Variants in DUS2 observed in about 807,000 individuals in gnomAD.
DUS2 encodes the protein tRNA-dihydrouridine(20) synthase [NAD(P)+]-like.
A neutral mutation model predicts 71.3 loss-of-function variants in DUS2; 52 were observed. That is an observed-to-expected ratio of 0.73 (90% CI 0.58 to 0.92). The LOEUF (loss-of-function observed/expected upper bound fraction) is 0.92, where lower values mean the gene tolerates loss of function less well. Ranked by LOEUF, DUS2 falls within the 40% of genes least tolerant of loss-of-function variation. The pLI is 0.00. For synonymous variants in DUS2, 204 were observed against 227.8 expected, an observed-to-expected ratio of 0.90 and a Z score of 0.94; for missense variants, 558 against 622.6, an observed-to-expected ratio of 0.90 and a Z score of 1.10.
At chr16:68,030,284 C>T (rs560182287) in intron 2 of DUS2, among the ~76,000 whole-genome samples, 3 of 151,802 alleles carry the variant, frequency 2.0e-5, no homozygotes, top group Non-Finnish European at 4.4e-5. Flanking sequence ...AGAACTGTTT[C>T]CAAGGATTTT....
chr16:68,061,002 A>T, intron 7 of DUS2, 64 bp from the exon 8 acceptor site: 3 of 1,537,070 alleles, frequency 2.0e-6, no homozygotes, highest in Non-Finnish European at 2.7e-6. Flanking sequence ...GCCAGACCCC[A>T]TCCCATGGAG....
At chr16:68,032,457 G>A (rs2033453870) in intron 2 of DUS2, among the ~76,000 whole-genome samples, 1 of 152,206 alleles carries the variant, frequency 6.6e-6, no homozygotes, top group Non-Finnish European at 1.5e-5. Context: ...GACACATGGA[G>A]TGTAACTGAG....
chr16:68,059,039 G>A (rs1184145899), intron 7 of DUS2, among the ~76,000 whole-genome samples: 2 of 152,112 alleles, frequency 1.3e-5, no homozygotes, highest in East Asian at 1.9e-4. Flanking sequence ...GAATGAAACC[G>A]CATGTCTACC....
At chr16:68,062,327 T>G (rs1466485785) in intron 8 of DUS2, among the ~76,000 whole-genome samples, 1 of 152,018 alleles carries the variant, frequency 6.6e-6, no homozygotes, top group Non-Finnish European at 1.5e-5. Context: ...TGCCTTTCAT[T>G]TGATCCTGAA....
At chr16:68,069,052 T>C (rs995629498) in intron 10 of DUS2, among the ~76,000 whole-genome samples, 2 of 151,796 alleles carry the variant, frequency 1.3e-5, no homozygotes, top group African/African-American at 2.4e-5. Context: ...GAGACAGAGG[T>C]AGAGGCTAGG....
intron 7 of DUS2, among the ~76,000 whole-genome samples, chr16:68,056,827 TATA>T (rs554229381): frequency 1.5e-4 from 22 of 145,950 alleles, no homozygotes; most frequent in Non-Finnish European, 2.2e-4. Context: ...ATATATTATA[TATA>T]ATGTTATATA....
At chr16:68,052,798 A>G (rs1178365624) in intron 4 of DUS2, among the ~76,000 whole-genome samples, 1 of 151,276 alleles carries the variant, frequency 6.6e-6, no homozygotes, top group Non-Finnish European at 1.5e-5. Context: ...ACCCTCCACC[A>G]CGCCCAGCTA....
At chr16:68,068,724 G>A (rs1314653557) in intron 10 of DUS2, among the ~76,000 whole-genome samples, 1 of 148,220 alleles carries the variant, frequency 6.7e-6, no homozygotes, top group Non-Finnish European at 1.5e-5. Context: ...GAGTAGCTGG[G>A]ATTACAGGTG....
intron 4 of DUS2, among the ~76,000 whole-genome samples, chr16:68,053,212 C>T (rs931410956): frequency 1.1e-4 from 17 of 152,228 alleles, no homozygotes; most frequent in African/African-American, 3.9e-4. Context: ...CCGCCCGCCT[C>T]GGCCTCCCAA....
chr16:68,073,800 G>T (rs1051523526), intron 12 of DUS2, among the ~76,000 whole-genome samples: 4 of 151,948 alleles, frequency 2.6e-5, no homozygotes, highest in Non-Finnish European at 5.9e-5. Context: ...CGTTGCCCAG[G>T]CTGCTCTTGA....
chr16:68,060,071 A>G (rs760189093), intron 7 of DUS2, among the ~76,000 whole-genome samples: 3 of 152,190 alleles, frequency 2.0e-5, no homozygotes, highest in Non-Finnish European at 2.9e-5. Context: ...GCACCTTAGT[A>G]GCTTTGCTGG....
intron 2 of DUS2, among the ~76,000 whole-genome samples, chr16:68,030,700 A>G (rs958534836): frequency 2.0e-5 from 3 of 152,138 alleles, no homozygotes; most frequent in Non-Finnish European, 2.9e-5. Context: ...ATATATTTCT[A>G]TGACAAAAGT....
At chr16:68,065,534 A>G (rs2033993539) in intron 8 of DUS2, among the ~76,000 whole-genome samples, 1 of 152,056 alleles carries the variant, frequency 6.6e-6, no homozygotes, top group Non-Finnish European at 1.5e-5. Context: ...TGGAGGCTGA[A>G]GTGGGAGGAT....
chr16:68,044,744 A>G (rs1209723353), intron 3 of DUS2, among the ~76,000 whole-genome samples: 6 of 151,902 alleles, frequency 3.9e-5, no homozygotes, highest in Non-Finnish European at 2.9e-5. Context: ...TTTTCAGTAC[A>G]TGAGTCTCAT....
At chr16:68,043,368 T>C (rs756322325) in intron 3 of DUS2, among the ~76,000 whole-genome samples, 1 of 151,368 alleles carries the variant, frequency 6.6e-6, no homozygotes, top group African/African-American at 2.4e-5. Flanking sequence ...ATCACGCCAT[T>C]GCACTCCAGC....
Position 68,045,742 on chromosome 16 carries a change from C to T in DUS2, c.127-3763C>T, listed in dbSNP as rs147670211. 8.5e-3 allele frequency among the ~76,000 whole-genome samples: 1,195 copies of T among 140,490 alleles called. 16 individuals are homozygous for T. Among genetic ancestry groups the T allele is most frequent in the African/African-American group, 0.03 (1,115 of 37,678 alleles). 92.2% of individuals were successfully genotyped at this position (140,490 alleles called of 152,430 possible). On this transcript the variant is annotated intron_variant, in intron 3 of 16. Transcript: ENST00000565263. ...TTTCTTTTCTTTTTTTTTTTTGAGA[C>T]GGAGTTTTGCTCTTGTTGCCCAGGC...
Position 68,073,952 on chromosome 16 carries a change from T to G in DUS2, c.811-82T>G. On this transcript the variant is annotated intron_variant, in intron 12 of 16. Transcript: ENST00000565263. ...TACACATACATCTCTGGTGCCTTCT[T>G]GGAGCTCCTTTCCCTGCCATCAGAG... 19 of 1,570,048 alleles carry G rather than the reference T, an allele frequency of 1.2e-5. No individual in the cohort carries two copies. The South Asian group carries it at 1.9e-4, about 16-fold the overall frequency.
chr16:68,029,858 T>C (rs891592667), intron 2 of DUS2, among the ~76,000 whole-genome samples: 1 of 150,284 alleles, frequency 6.7e-6, no homozygotes, highest in Non-Finnish European at 1.5e-5. Flanking sequence ...ATCCCAACAC[T>C]TTGGGAGGCT....
intron 2 of DUS2, among the ~76,000 whole-genome samples, chr16:68,026,127 A>G (rs1426700308): frequency 6.6e-6 from 1 of 152,140 alleles, no homozygotes; most frequent in African/African-American, 2.4e-5. Flanking sequence ...AGTAGGTGGG[A>G]TTACAGGCAC....
Sources: gnomAD v4.1 joint callset for allele counts (sites outside exome capture counted in the v4.1 genomes callset) on GRCh38, gnomAD v4.1.1 for gene constraint, MANE v1.5 for transcripts, NCBI Gene and HGNC (gene_info 2026-07-23, HGNC 2026-07-21) for gene names.